The following SYN2 variants were observed in gnomAD, a reference collection of about 807,000 sequenced individuals.
The protein encoded by SYN2 is synapsin II, also known as synapsin-2.
A neutral mutation model predicts 50.9 loss-of-function variants in SYN2; 19 were observed. The ratio of observed to expected loss-of-function variants is 0.37; its 90% CI spans 0.26 to 0.55. The LOEUF (loss-of-function observed/expected upper bound fraction) is 0.55. SYN2 is among the 20% of genes least tolerant of loss of function. The pLI is 0.81. For missense variants in SYN2, 587 were observed against 576.4 expected (o/e 1.02, Z -0.19); for synonymous variants, 255 against 224.9 (o/e 1.13, Z -1.20).
intron 7 of SYN2, among the ~76,000 whole-genome samples, chr3:12,162,968 C>T (rs953287119): frequency 3.3e-5 from 5 of 152,140 alleles, no homozygotes; most frequent in Admixed American, 1.3e-4. Flanking sequence ...GGGCCAGGCG[C>T]GGTGGCTCAT....
intron 1 of SYN2, among the ~76,000 whole-genome samples, chr3:12,082,994 G>C (rs565966176): frequency 2.0e-5 from 3 of 151,946 alleles, no homozygotes; most frequent in African/African-American, 7.3e-5. Context: ...CTACTTTCCC[G>C]TAATATTTAA....
chr3:12,125,649 A>C (rs1167839409), intron 1 of SYN2, among the ~76,000 whole-genome samples: 2 of 152,086 alleles, frequency 1.3e-5, no homozygotes, highest in Non-Finnish European at 2.9e-5. Context: ...TTATCATAGG[A>C]GGAATGTTTG....
Position 12,187,541 on chromosome 3 carries a change from C to G in SYN2, c.1542C>G (p.Ser514Arg). 1 of 1,552,456 alleles carries G rather than the reference C, an allele frequency of 6.4e-7. No individual in the cohort carries two copies. Among genetic ancestry groups the G allele is most frequent in the African/African-American group, 1.4e-5 (1 of 73,208 alleles). ...CCCACGGAGATGCACCCTCCAGCAG[C>G]AGCTCCCTGGCAGAGGCCCAGCCAC... Reference protein sequence around the residue: ...PTTHGDAPSSSSSLAEAQPPL... With the variant: ...PTTHGDAPSSRSSLAEAQPPL... The change falls in exon 12 of 13, where the codon AGC becomes AGG. Residue 514 changes from serine to arginine, a missense_variant. Transcript: ENST00000621198.
At chr3:12,075,105 A>G (rs1333261949) in intron 1 of SYN2, among the ~76,000 whole-genome samples, 1 of 151,800 alleles carries the variant, frequency 6.6e-6, no homozygotes, top group Non-Finnish European at 1.5e-5. Flanking sequence ...TCTCCTTACA[A>G]CAATGTGAAT....
At chr3:12,105,814 G>A (rs866616640) in intron 1 of SYN2, among the ~76,000 whole-genome samples, 6 of 152,078 alleles carry the variant, frequency 3.9e-5, no homozygotes, top group Non-Finnish European at 7.4e-5. Flanking sequence ...AGCCTAGCCT[G>A]AAGGGAGGCC....
At chr3:12,151,180 T>G (rs1697277946) in intron 4 of SYN2, 57 bp from the exon 5 acceptor site, 1 of 1,241,436 alleles carries the variant, frequency 8.1e-7, no homozygotes, top group East Asian at 2.4e-5. Context: ...GAGTTGATGT[T>G]TCATCTGTTT....
At chr3:12,108,788 CTTTG>C (rs1190092193) in intron 1 of SYN2, among the ~76,000 whole-genome samples, 4 of 127,834 alleles carry the variant, frequency 3.1e-5, no homozygotes, top group Admixed American at 9.0e-5. Flanking sequence ...TATTTAGTCT[CTTTG>C]TTTGTTGGTT....
intron 1 of SYN2, among the ~76,000 whole-genome samples, chr3:12,048,290 C>T (rs755381590): frequency 7.2e-5 from 11 of 152,316 alleles, no homozygotes; most frequent in Middle Eastern, 6.8e-3. Flanking sequence ...ACCTCAGCCT[C>T]CCGAGTAGCT....
intron 1 of SYN2, among the ~76,000 whole-genome samples, chr3:12,076,489 A>G (rs1203013465): frequency 1.3e-5 from 2 of 152,002 alleles, no homozygotes; most frequent in African/African-American, 4.8e-5. Context: ...AATCATACTA[A>G]TAATACATAT....
At position 12,113,294 on chromosome 3, in the gene SYN2, G is replaced by T. The variant is rs542704951; in HGVS notation, c.378-27357G>T. Among the ~76,000 whole-genome samples, 10 of 151,854 alleles carry T rather than the reference G, an allele frequency of 6.6e-5. No individual in the cohort carries two copies. In the East Asian group the frequency reaches 1.9e-3, roughly 29 times the overall value. ...TTCACTTGAAATATTTTGAAATCTTGTTTTGATTCTAATATGTTATATATG... is the reference window on the plus strand; with the variant it reads ...TTCACTTGAAATATTTTGAAATCTTTTTTTGATTCTAATATGTTATATATG... On this transcript the variant is annotated intron_variant, in intron 1 of 12. Coordinates refer to ENST00000621198, the MANE Select transcript of SYN2 (RefSeq NM_133625.6).
At chr3:12,164,409 C>T (rs927618651) in intron 7 of SYN2, among the ~76,000 whole-genome samples, 7 of 152,148 alleles carry the variant, frequency 4.6e-5, no homozygotes, top group Admixed American at 2.0e-4. Flanking sequence ...TGCAAGGGAC[C>T]GTCAGTTATT....
At chr3:12,109,127 A>G (rs951186684) in intron 1 of SYN2, among the ~76,000 whole-genome samples, 1 of 152,168 alleles carries the variant, frequency 6.6e-6, no homozygotes, top group Admixed American at 6.5e-5. Context: ...AATAGGGTGG[A>G]CTCAAGATAG....
chr3:12,137,094 A>T (rs1696912111), intron 1 of SYN2, among the ~76,000 whole-genome samples: 1 of 152,036 alleles, frequency 6.6e-6, no homozygotes, highest in Non-Finnish European at 1.5e-5. Context: ...AAAAAAATTT[A>T]AAAATTAGCC....
At chr3:12,183,405 A>G (rs1698267484) in intron 11 of SYN2, 33 bp downstream of exon 11, 1 of 1,613,636 alleles carries the variant, frequency 6.2e-7, no homozygotes, top group Non-Finnish European at 8.5e-7. Context: ...CTGTAATGGC[A>G]TTGCAGTAGG....
intron 3 of SYN2, among the ~76,000 whole-genome samples, chr3:12,142,580 G>A (rs1360739185): frequency 6.6e-6 from 1 of 152,146 alleles, no homozygotes; most frequent in Non-Finnish European, 1.5e-5. Context: ...AGCAATTATT[G>A]AGCACTTACA....
intron 1 of SYN2, among the ~76,000 whole-genome samples, chr3:12,053,139 C>A: frequency 6.6e-6 from 1 of 151,966 alleles, no homozygotes; most frequent in East Asian, 1.9e-4. Flanking sequence ...TCTGATTGAT[C>A]CGGCCAGGCA....
chr3:12,070,926 C>T (rs1002323111), intron 1 of SYN2: 15 of 555,390 alleles, frequency 2.7e-5, no homozygotes, highest in Admixed American at 5.8e-5. Flanking sequence ...TGGCCACCGC[C>T]GCATCCTCCT....
At chr3:12,152,573 C>G (rs1265142289) in intron 5 of SYN2, among the ~76,000 whole-genome samples, 2 of 152,140 alleles carry the variant, frequency 1.3e-5, no homozygotes, top group South Asian at 2.1e-4. Context: ...TATTCCCTAC[C>G]TACCGTGCTT....
chr3:12,125,874 A>G (rs1316278908), intron 1 of SYN2, among the ~76,000 whole-genome samples: 1 of 151,900 alleles, frequency 6.6e-6, no homozygotes, highest in Non-Finnish European at 1.5e-5. Flanking sequence ...AAACACACAA[A>G]AAAACTGAGA....
Sources: gnomAD v4.1 joint callset for allele counts (sites outside exome capture counted in the v4.1 genomes callset) on GRCh38, gnomAD v4.1.1 for gene constraint, MANE v1.5 for transcripts, NCBI Gene and HGNC (gene_info 2026-07-23, HGNC 2026-07-21) for gene names.